The following BCAS3 variants were observed in gnomAD, a reference collection of about 807,000 sequenced individuals.
The protein encoded by BCAS3 is BCAS4/BCAS3 fusion.
A neutral mutation model predicts 116.1 loss-of-function variants in BCAS3; 53 were observed. The ratio of observed to expected loss-of-function variants is 0.46; its 90% CI spans 0.37 to 0.57. The LOEUF is 0.57. BCAS3 is among the 20% of genes least tolerant of loss of function. The probability of loss-of-function intolerance (pLI) is 0.00; values close to 1 mark genes in which losing one functional copy is unlikely to be tolerated. For missense variants in BCAS3, 917 were observed against 1,165.4 expected (o/e 0.79, Z 3.10); for synonymous variants, 391 against 408.2 (o/e 0.96, Z 0.51).
At chr17:61,263,375 A>T (rs2049389620) in intron 22 of BCAS3, among the ~76,000 whole-genome samples, 1 of 152,218 alleles carries the variant, frequency 6.6e-6, no homozygotes. Flanking sequence ...ACTAACCTGG[A>T]CATAGGGGTG....
At chr17:60,998,299 G>T (rs976713217) in intron 15 of BCAS3, among the ~76,000 whole-genome samples, 1 of 152,156 alleles carries the variant, frequency 6.6e-6, no homozygotes, top group African/African-American at 2.4e-5. Context: ...ATAGAACTGC[G>T]ATGAACATAT....
intron 7 of BCAS3, among the ~76,000 whole-genome samples, chr17:60,849,222 G>A (rs1050212004): frequency 2.6e-5 from 4 of 151,898 alleles, no homozygotes; most frequent in African/African-American, 4.8e-5. Flanking sequence ...CTGCAGTCTT[G>A]AGACAGAATT....
chr17:61,085,340 G>A (rs548229940), intron 22 of BCAS3, among the ~76,000 whole-genome samples: 17 of 152,242 alleles, frequency 1.1e-4, no homozygotes, highest in Non-Finnish European at 5.9e-5. Context: ...TAAATACTCG[G>A]CGTTAGTCAA....
Position 61,315,517 on chromosome 17 carries a change from G to A in BCAS3, c.2426-52810G>A, listed in dbSNP as rs1032860964. On this transcript the variant is annotated intron_variant, in intron 22 of 23. Coordinates refer to ENST00000407086, the MANE Select transcript of BCAS3 (RefSeq NM_017679.5). The surrounding 1 kb of genome is among the most constrained non-coding windows in gnomAD (Gnocchi z 5.3). Reference sequence around the variant, plus strand: ...CATTGCTTTCGCCTCAGGCTTCCTAGAGCAAAGAAGCCCATGGAAGAGGTT... The same window carrying A: ...CATTGCTTTCGCCTCAGGCTTCCTAAAGCAAAGAAGCCCATGGAAGAGGTT... Among the ~76,000 whole-genome samples the A allele has an allele frequency of 6.6e-6, 1 of 152,196 alleles. No individual in the cohort carries two copies. The highest frequency in any genetic ancestry group is 2.1e-4 in the South Asian group (1 of 4,826).
At chr17:60,786,610 A>G (rs1209271653) in intron 6 of BCAS3, among the ~76,000 whole-genome samples, 1 of 151,600 alleles carries the variant, frequency 6.6e-6, no homozygotes, top group Non-Finnish European at 1.5e-5. Flanking sequence ...AAATCTATGT[A>G]TATTACTATA....
intron 6 of BCAS3, among the ~76,000 whole-genome samples, chr17:60,756,887 T>C (rs1290753411): frequency 3.3e-5 from 5 of 152,176 alleles, no homozygotes; most frequent in South Asian, 2.1e-4. Flanking sequence ...ACCAACAGCA[T>C]GTAAGAGTTC....
At chr17:60,813,914 T>C (rs1370699414) in intron 7 of BCAS3, among the ~76,000 whole-genome samples, 1 of 152,218 alleles carries the variant, frequency 6.6e-6, no homozygotes, top group Non-Finnish European at 1.5e-5. Flanking sequence ...GGCACCATGC[T>C]GTTTTGGTTA....
intron 5 of BCAS3, among the ~76,000 whole-genome samples, chr17:60,724,600 C>CG (rs2144117310): frequency 6.6e-6 from 1 of 151,784 alleles, no homozygotes; most frequent in Admixed American, 6.6e-5. Flanking sequence ...TGGAATGCAC[C>CG]TGTAAGCCCA....
chr17:60,792,962 T>TA (rs1372500498), intron 6 of BCAS3, among the ~76,000 whole-genome samples: 2 of 151,628 alleles, frequency 1.3e-5, no homozygotes, highest in African/African-American at 4.9e-5. Flanking sequence ...GTGACTGTGT[T>TA]AGATATCTCA....
intron 22 of BCAS3, among the ~76,000 whole-genome samples, chr17:61,089,982 T>G (rs973177679): frequency 2.6e-5 from 4 of 152,126 alleles, no homozygotes; most frequent in African/African-American, 7.2e-5. Flanking sequence ...CATTGTTCAG[T>G]CTACAATGAT....
intron 14 of BCAS3, among the ~76,000 whole-genome samples, chr17:60,958,171 A>G (rs2061236586): frequency 6.6e-6 from 1 of 152,170 alleles, no homozygotes; most frequent in Non-Finnish European, 1.5e-5. Context: ...GGAGGCCAAG[A>G]TCATAGATTC....
intron 13 of BCAS3, among the ~76,000 whole-genome samples, chr17:60,924,769 TTTATAATTACTCCAAG>T (rs2059285745): frequency 1.3e-5 from 2 of 152,074 alleles, no homozygotes; most frequent in South Asian, 4.1e-4. Context: ...TGAATTTCTG[TTTATAATTACTCCAAG>T]AACTTCAGTA....
At chr17:60,788,662 G>C (rs73990981) in intron 6 of BCAS3, among the ~76,000 whole-genome samples, 3,860 of 152,112 alleles carry the variant, frequency 0.025, 141 homozygotes, top group African/African-American at 0.085. Context: ...TGTTGATGGT[G>C]CCTGGAGCCT....
In BCAS3 at chr17:61,339,021, C is replaced by G. The variant is rs2056944255; in HGVS notation, c.2426-29306C>G. On this transcript the variant is annotated intron_variant, in intron 22 of 23. Transcript: ENST00000407086. The surrounding 1 kb of genome is among the most constrained non-coding windows in gnomAD (Gnocchi z 4.4). ...TTCTTAGTGGGCCAAAGTTTAACATCTTGGTTTTGGGAAAAAAAAAAATTC... is the reference window on the plus strand; with the variant it reads ...TTCTTAGTGGGCCAAAGTTTAACATGTTGGTTTTGGGAAAAAAAAAAATTC... Among the ~76,000 whole-genome samples the G allele has an allele frequency of 6.7e-6, 1 of 149,632 alleles. No homozygotes were observed. Among genetic ancestry groups the G allele is most frequent in the African/African-American group, 2.5e-5 (1 of 40,260 alleles).
intron 5 of BCAS3, among the ~76,000 whole-genome samples, chr17:60,730,675 G>GT (rs2040373545): frequency 6.6e-6 from 1 of 152,042 alleles, no homozygotes; most frequent in African/African-American, 2.4e-5. Context: ...GCTATCTTAA[G>GT]TTTTTAAAAT....
At position 60,689,716 on chromosome 17, in the gene BCAS3, A is replaced by G. The variant is rs372774453; in HGVS notation, c.169A>G (p.Lys57Glu). Residue 57 changes from lysine to glutamate, a missense_variant, in exon 4 of 24, where the codon AAG (lysine) becomes GAG (glutamate). By Grantham distance (56) the Lys-to-Glu change is moderately conservative. Transcript: ENST00000407086. The part of the protein sequence containing the change: ...AYSGTPLTEE[K>E]EKIVWVRFEN... ...CAGTGGAACACCTCTAACAGAAGAA[A>G]AGGAGAAAATAGTCTGGGTCAGATT... The G allele has an allele frequency of 5.0e-6, 8 of 1,608,900 alleles. No homozygotes were observed. The highest frequency in any genetic ancestry group is 2.2e-5 in the East Asian group (1 of 44,790).
intron 5 of BCAS3, chr17:60,727,304 T>C: frequency 8.4e-7 from 1 of 1,190,294 alleles, no homozygotes; most frequent in South Asian, 1.2e-5. Context: ...CTTTGTGGTC[T>C]TAGCCTTCTT....
At chr17:61,369,824 C>T (rs1157447546) in intron 23 of BCAS3, among the ~76,000 whole-genome samples, 1 of 152,260 alleles carries the variant, frequency 6.6e-6, no homozygotes, top group Non-Finnish European at 1.5e-5. Context: ...GACTTCGCTT[C>T]CCCTGGAAGG....
intron 22 of BCAS3, among the ~76,000 whole-genome samples, chr17:61,093,930 G>A (rs1291001787): frequency 3.3e-5 from 5 of 152,164 alleles, no homozygotes; most frequent in Admixed American, 3.3e-4. Flanking sequence ...CATACCAGTG[G>A]TTTTTCAAAC....
Sources: gnomAD v4.1 joint callset for allele counts (sites outside exome capture counted in the v4.1 genomes callset) on GRCh38, gnomAD v4.1.1 for gene constraint, Gnocchi (gnomAD v3.1) non-coding constraint, MANE v1.5 for transcripts, NCBI Gene and HGNC (gene_info 2026-07-23, HGNC 2026-07-21) for gene names.